The following C15orf39 variants were observed in gnomAD, a reference collection of about 807,000 sequenced individuals.
C15orf39 encodes PRMT2 interacting protein, also known as uncharacterized protein C15orf39.
In C15orf39, 24 loss-of-function variants were observed where a neutral mutation model predicts 53.9. That is an observed-to-expected ratio of 0.45 (90% confidence interval 0.32 to 0.63). The LOEUF is 0.63. C15orf39 is among the 20% of genes least tolerant of loss of function. The pLI is 0.04. For synonymous variants in C15orf39, 569 were observed against 576.5 expected (o/e 0.99, Z 0.19); for missense variants, 1,271 against 1,347.9 (o/e 0.94, Z 0.89).
chr15:75,204,627 C>T (rs574173494), intron 1 of C15orf39, among the ~76,000 whole-genome samples: 201 of 152,358 alleles, frequency 1.3e-3, no homozygotes, highest in Non-Finnish European at 1.9e-3. Context: ...CCTGCCTCAG[C>T]CTTCAGCGTA....
Position 75,206,548 on chromosome 15 carries a change from T to A in C15orf39, c.500T>A (p.Leu167Ter). The A allele has an allele frequency of 6.2e-7, 1 of 1,613,920 alleles. No individual in the cohort carries two copies. Among genetic ancestry groups the A allele is most frequent in the Non-Finnish European group, 8.5e-7 (1 of 1,179,934 alleles). The change falls in exon 2 of 3, where the codon TTG becomes TAG. Residue 167 changes from leucine (L) to a stop codon, truncating the protein, a stop_gained. Transcript: ENST00000394987. LOFTEE classifies it high-confidence loss of function. ...TGGACTCTGGCGACTGGGCCCCTGTTGCCCTCAGCTGACCCACCCTGCTCT... is the reference window on the plus strand; with the variant it reads ...TGGACTCTGGCGACTGGGCCCCTGTAGCCCTCAGCTGACCCACCCTGCTCT... ...VDWTLATGPLLPSADPPCSLA... is the reference protein window; with the variant it reads ...VDWTLATGPL
chr15:75,207,665 C>A lies in C15orf39; in HGVS notation c.1617C>A (p.Ala539=). 1 of 1,608,444 alleles carries A rather than the reference C, an allele frequency of 6.2e-7. No individual in the cohort carries two copies. Among genetic ancestry groups the A allele is most frequent in the Non-Finnish European group, 8.5e-7 (1 of 1,176,070 alleles). Residue 539 remains alanine, a synonymous_variant, in exon 2 of 3, where the codon GCC becomes GCA. Coordinates refer to ENST00000394987, the MANE Select transcript of C15orf39 (RefSeq NM_015492.5). ...CAGCTGAGCCTGACTCAGCCCCAGC[C>A]ACCAGTGAAGGTCAGGACAAAGGCT... ...SATAEPDSAP[A]TSEGQDKGCR...
Position 75,211,077 on chromosome 15 carries a change from C to T in C15orf39, c.3105C>T (p.Pro1035=). ...HKSSRPDQPS[P]CPQLLDSQSH... ...CCTCAAGACCAGACCAGCCCTCACC[C>T]TGCCCACAGCTGCTGGACAGCCAGA... Residue 1035 remains proline, a synonymous_variant, in exon 3 of 3, where the codon CCC becomes CCT. Transcript: ENST00000394987. 1 of 1,601,344 alleles carries T rather than the reference C, an allele frequency of 6.2e-7. No individual in the cohort carries two copies. Among genetic ancestry groups the T allele is most frequent in the Non-Finnish European group, 8.5e-7 (1 of 1,179,748 alleles).
chr15:75,207,604 C>T lies in C15orf39; in HGVS notation c.1556C>T (p.Pro519Leu), dbSNP rs371897103. Reference protein sequence around the residue: ...LAPYRDYLDVPAPEATTEPDS... With the variant: ...LAPYRDYLDVLAPEATTEPDS... ...CCCTACCGTGACTATCTGGATGTGC[C>T]GGCACCCGAGGCCACAACTGAGCCT... The change falls in exon 2 of 3, where the codon CCG becomes CTG. Residue 519 changes from proline (P) to leucine (L), a missense_variant. By Grantham distance (98) the Pro-to-Leu change is moderately conservative. This residue lies in a region of C15orf39 where 994 missense variants were observed against 993.7 expected (regional missense o/e 1.00). Transcript: ENST00000394987. The T allele has an allele frequency of 2.1e-5, 34 of 1,611,500 alleles. No individual in the cohort carries two copies. In the African/African-American group the frequency reaches 2.9e-4, roughly 14 times the overall value.
In C15orf39 at chr15:75,207,111, C is replaced by G; in HGVS notation, c.1063C>G (p.Pro355Ala). Residue 355 changes from proline (P) to alanine (A), a missense_variant, in exon 2 of 3, where the codon CCA (proline) becomes GCA (alanine). Around this residue, in one of 2 missense-constraint regions of C15orf39, gnomAD observed 994 missense variants for 993.7 expected, o/e 1.00. Transcript: ENST00000394987. Reference sequence around the variant, plus strand: ...CTCTGCCCCTCTCCCAGCACCCTCTCCAGGCCTCAAGCTGGAGCCGCCTCT... The same window carrying G: ...CTCTGCCCCTCTCCCAGCACCCTCTGCAGGCCTCAAGCTGGAGCCGCCTCT... ...YPSAPLPAPS[P>A]GLKLEPPLTP... 1 of 1,613,542 alleles carries G rather than the reference C, an allele frequency of 6.2e-7. No homozygotes were observed. Among genetic ancestry groups the G allele is most frequent in the Non-Finnish European group, 8.5e-7 (1 of 1,179,952 alleles).
chr15:75,206,822 G>A lies in C15orf39; in HGVS notation c.774G>A (p.Gly258=). The A allele has an allele frequency of 2.5e-6, 4 of 1,603,568 alleles. No individual in the cohort carries two copies. The highest frequency in any genetic ancestry group is 3.4e-6 in the Non-Finnish European group (4 of 1,175,144). Residue 258 remains glycine, a synonymous_variant, in exon 2 of 3, where the codon GGG becomes GGA. Coordinates refer to ENST00000394987, the MANE Select transcript of C15orf39 (RefSeq NM_015492.5). ...SPWTQLAQPL[G]PPCQDTGPTH... Reference sequence around the variant, plus strand: ...GGACCCAGCTGGCCCAGCCCCTGGGGCCACCCTGTCAGGACACCGGGCCCA... The same window carrying A: ...GGACCCAGCTGGCCCAGCCCCTGGGACCACCCTGTCAGGACACCGGGCCCA...
chr15:75,209,775 T>C (rs1294977110), intron 2 of C15orf39, among the ~76,000 whole-genome samples: 1 of 152,138 alleles, frequency 6.6e-6, no homozygotes, highest in Non-Finnish European at 1.5e-5. Flanking sequence ...GTAGAAACTG[T>C]TCCTAGTTCC....
chr15:75,203,012 T>C (rs1349322623), intron 1 of C15orf39, among the ~76,000 whole-genome samples: 1 of 152,208 alleles, frequency 6.6e-6, no homozygotes, highest in African/African-American at 2.4e-5. Flanking sequence ...ACTGGAGACT[T>C]TGGGCTGCCC....
chr15:75,201,908 G>C lies in C15orf39; in HGVS notation c.-202G>C, dbSNP rs569884649. 5.3e-5 allele frequency: 8 copies of C among 151,674 alleles called. No homozygotes were observed. The highest frequency in any genetic ancestry group is 4.2e-4 in the South Asian group (2 of 4,796). 9.4% of individuals were successfully genotyped at this position (151,674 alleles called of 1,614,324 possible). A position where few individuals can be genotyped will look rare whatever the true frequency, so the allele number is the denominator to read the frequency against. On this transcript the variant is annotated 5_prime_UTR_variant, in exon 1 of 3. Transcript: ENST00000394987. The surrounding 1 kb of genome is among the most constrained non-coding windows in gnomAD (Gnocchi z 4.7). ...GACGGCGCCCAGCGGCGGCGCGAAC[G>C]GCAGCTAGGAGGGTTGCTCCGGGCT...
Position 75,207,838 on chromosome 15 carries a change from C to G in C15orf39, c.1790C>G (p.Ala597Gly), listed in dbSNP as rs779327072. The change falls in exon 2 of 3, where the codon GCC becomes GGC. Residue 597 changes from alanine to glycine, a missense_variant. Ala to Gly is a moderately conservative substitution (Grantham distance 60). Transcript: ENST00000394987. ...PVKASRSVEH[A>G]KPTAAMDVPD... Reference sequence around the variant, plus strand: ...AAGGCTTCCCGTTCTGTGGAGCATGCCAAGCCTACTGCAGCCATGGATGTG... The same window carrying G: ...AAGGCTTCCCGTTCTGTGGAGCATGGCAAGCCTACTGCAGCCATGGATGTG... The G allele has an allele frequency of 3.1e-6, 5 of 1,613,084 alleles. No individual in the cohort carries two copies. Among genetic ancestry groups the G allele is most frequent in the Middle Eastern group, 1.7e-4 (1 of 6,060 alleles).
rs1253046196 is a variant in C15orf39, at chr15:75,206,263, T to C, written c.215T>C (p.Leu72Ser). 6.2e-7 allele frequency: 1 copy of C among 1,614,028 alleles called. No individual in the cohort carries two copies. The highest frequency in any genetic ancestry group is 1.1e-5 in the South Asian group (1 of 91,078). ...GCGTCCTGGACCCCATACCCACCCT[T>C]GTACTCTACCGGTATGGCAGGACCC... ...QLASWTPYPP[L>S]YSTGMAGPPL... Residue 72 changes from leucine to serine, a missense_variant, in exon 2 of 3, where the codon TTG becomes TCG. Leu to Ser is a moderately radical substitution (Grantham distance 145, BLOSUM62 -2). Coordinates refer to ENST00000394987, the MANE Select transcript of C15orf39 (RefSeq NM_015492.5).
chr15:75,204,995 G>A (rs933370245), intron 1 of C15orf39, among the ~76,000 whole-genome samples: 1 of 152,178 alleles, frequency 6.6e-6, no homozygotes, highest in African/African-American at 2.4e-5. Flanking sequence ...GGGGAGGAGT[G>A]GGGCGAGAGG....
rs368832740 is a variant in C15orf39 at position 75,208,816 on chromosome 15, G to A, written c.2768G>A (p.Arg923His). 138 of 1,594,556 alleles carry A rather than the reference G, an allele frequency of 8.7e-5. No individual in the cohort carries two copies. Among genetic ancestry groups the A allele is most frequent in the Non-Finnish European group, 1.0e-4 (120 of 1,172,248 alleles). Reference protein sequence around the residue: ...LGLQWRDCVRRQLGDFDTEAG... With the variant: ...LGLQWRDCVRHQLGDFDTEAG... ...CTGCAGTGGCGCGACTGTGTACGCC[G>A]CCAGCTGGGTGAGCATGGGGCAGCC... Residue 923 changes from arginine (R) to histidine (H), a missense_variant, in exon 2 of 3, where the codon CGC becomes CAC. Physicochemically the swap from Arg to His is conservative, Grantham distance 29 (BLOSUM62 0). This residue lies in a region of C15orf39 where 277 missense variants were observed against 354.1 expected (regional missense o/e 0.78). Coordinates refer to ENST00000394987, the MANE Select transcript of C15orf39 (RefSeq NM_015492.5).
At position 75,207,962 on chromosome 15, in the gene C15orf39, G is replaced by C. The variant is rs1411111558; in HGVS notation, c.1914G>C (p.Met638Ile). The change falls in exon 2 of 3, where the codon ATG becomes ATC. Residue 638 changes from methionine to isoleucine, a missense_variant. By Grantham distance (10) the Met-to-Ile change is conservative. Coordinates refer to ENST00000394987, the MANE Select transcript of C15orf39 (RefSeq NM_015492.5). Reference protein sequence around the residue: ...LPGVPVTTDAMPRTNFHSSVA... With the variant: ...LPGVPVTTDAIPRTNFHSSVA... ...GGGTGCCAGTGACCACAGATGCCAT[G>C]CCAAGGACCAACTTCCACAGCTCTG... 1.2e-6 allele frequency: 2 copies of C among 1,613,930 alleles called. No individual in the cohort carries two copies. The highest frequency in any genetic ancestry group is 3.3e-5 in the Admixed American group (2 of 60,034).
Position 75,206,501 on chromosome 15 carries a change from G to A in C15orf39, c.453G>A (p.Val151=). ...GLSTCLGEGA[V]KRPLDVDWTL... ...CAACTTGTCTGGGGGAAGGAGCAGT[G>A]AAGAGGCCACTGGATGTTGACTGGA... Residue 151 remains valine, a synonymous_variant, in exon 2 of 3, where the codon GTG becomes GTA. Coordinates refer to ENST00000394987, the MANE Select transcript of C15orf39 (RefSeq NM_015492.5). 1 of 1,614,100 alleles carries A rather than the reference G, an allele frequency of 6.2e-7. No individual in the cohort carries two copies. Among genetic ancestry groups the A allele is most frequent in the South Asian group, 1.1e-5 (1 of 91,082 alleles).
At chr15:75,209,453 A>G (rs11072533) in intron 2 of C15orf39, 138,135 of 152,476 alleles carry the variant, frequency 0.91, 63,650 homozygotes, top group Non-Finnish European at 0.99. Flanking sequence ...CCCGGCCCTT[A>G]CATACACAGA....
At chr15:75,209,010 T>G in intron 2 of C15orf39, 186 bp downstream of exon 2, 1 of 1,023,440 alleles carries the variant, frequency 9.8e-7, no homozygotes, top group Non-Finnish European at 1.4e-6. Context: ...AGCACCTTCA[T>G]AGCCTCTTTT....
At position 75,211,274 on chromosome 15, in the gene C15orf39, G is replaced by C. The variant is rs978869574; in HGVS notation, c.*158G>C. 7.2e-6 allele frequency: 7 copies of C among 976,874 alleles called. No individual in the cohort carries two copies. In the African/African-American group the frequency reaches 1.1e-4, roughly 16 times the overall value. 60.5% of individuals were successfully genotyped at this position (976,874 alleles called of 1,614,324 possible). A position where few individuals can be genotyped will look rare whatever the true frequency, so the allele number is the denominator to read the frequency against. On this transcript the variant is annotated 3_prime_UTR_variant, in exon 3 of 3. Coordinates refer to ENST00000394987, the MANE Select transcript of C15orf39 (RefSeq NM_015492.5). The stretch of plus-strand genomic sequence containing the variant: ...TGGCCCATTCAGGGTGGGCTGAAGA[G>C]CCCCTGAGCTTTTAACGTGAGGGTC...
Position 75,207,708 on chromosome 15 carries a change from G to C in C15orf39, c.1660G>C (p.Ala554Pro), listed in dbSNP as rs776850958. 5 of 1,601,750 alleles carry C rather than the reference G, an allele frequency of 3.1e-6. No homozygotes were observed. Among genetic ancestry groups the C allele is most frequent in the Middle Eastern group, 1.7e-4 (1 of 6,004 alleles). The change falls in exon 2 of 3, where the codon GCC becomes CCC. Residue 554 changes from alanine to proline, a missense_variant. Physicochemically the swap from Ala to Pro is conservative, Grantham distance 27. Around this residue, in one of 2 missense-constraint regions of C15orf39, gnomAD observed 994 missense variants for 993.7 expected, o/e 1.00. Transcript: ENST00000394987. Reference sequence around the variant, plus strand: ...CAAAGGCTGCAGGGGGACCCTGCCTGCCCAGGAGGGCCCCTCAGGGAGTAA... The same window carrying C: ...CAAAGGCTGCAGGGGGACCCTGCCTCCCCAGGAGGGCCCCTCAGGGAGTAA... ...QDKGCRGTLP[A>P]QEGPSGSKPL...
Sources: gnomAD v4.1 joint callset for allele counts (sites outside exome capture counted in the v4.1 genomes callset) on GRCh38, gnomAD v4.1.1 for gene constraint, gnomAD v4.1.1 regional missense constraint, Gnocchi (gnomAD v3.1) non-coding constraint, MANE v1.5 for transcripts, NCBI Gene and HGNC (gene_info 2026-07-23, HGNC 2026-07-21) for gene names.